Variants in HSD17B6 observed in about 807,000 individuals in gnomAD.
HSD17B6 encodes hydroxysteroid 17-beta dehydrogenase 6.
A neutral mutation model predicts 26.4 loss-of-function variants in HSD17B6; 16 were observed. The observed-to-expected ratio is 0.61, with a 90% CI of 0.41 to 0.92. The LOEUF (loss-of-function observed/expected upper bound fraction) is 0.92. Ranked by LOEUF, HSD17B6 falls within the 40% of genes least tolerant of loss-of-function variation. HSD17B6 has a pLI of 0.00. For missense variants in HSD17B6, 357 were observed against 386.1 expected, an observed-to-expected ratio of 0.92 and a Z score of 0.63; for synonymous variants, 139 against 153.0, an observed-to-expected ratio of 0.91 and a Z score of 0.68.
At chr12:56,771,916 C>G (rs1954481929) in intron 1 of HSD17B6, among the ~76,000 whole-genome samples, 1 of 152,090 alleles carries the variant, frequency 6.6e-6, no homozygotes, top group South Asian at 2.1e-4. Flanking sequence ...CTCATGAGAG[C>G]TGATGGTTTT....
chr12:56,779,927 T>A lies in HSD17B6; in HGVS notation c.314-2047T>A, dbSNP rs148847299. Among the ~76,000 whole-genome samples, 1,013 of 151,988 alleles carry A rather than the reference T, an allele frequency of 6.7e-3. 10 individuals carry two copies. The highest frequency in any genetic ancestry group is 0.023 in the African/African-American group (949 of 41,452). On this transcript the variant is annotated intron_variant, in intron 2 of 4. Coordinates refer to ENST00000322165, the MANE Select transcript of HSD17B6 (RefSeq NM_003725.4). ...GCAAAATCTTTTTTTTAAAAAAAAATTTATTAAAATGTCTAATTACCCTCA... is the reference window on the plus strand; with the variant it reads ...GCAAAATCTTTTTTTTAAAAAAAAAATTATTAAAATGTCTAATTACCCTCA...
At chr12:56,779,801 CTTTTTT>C (rs34050360) in intron 2 of HSD17B6, among the ~76,000 whole-genome samples, 1 of 134,292 alleles carries the variant, frequency 7.4e-6, no homozygotes, top group Non-Finnish European at 1.6e-5. Context: ...CTCTTTTTAC[CTTTTTT>C]TTTTTTTTTG....
intron 1 of HSD17B6, among the ~76,000 whole-genome samples, chr12:56,764,472 T>C (rs2137889515): frequency 6.6e-6 from 1 of 152,354 alleles, no homozygotes; most frequent in East Asian, 1.9e-4. Flanking sequence ...GAGTTATGCA[T>C]ACTGTAGAAA....
At chr12:56,783,340 A>G (rs1379589364) in intron 3 of HSD17B6, among the ~76,000 whole-genome samples, 1 of 118,672 alleles carries the variant, frequency 8.4e-6, no homozygotes, top group African/African-American at 3.3e-5. Flanking sequence ...TCCCTCCCGG[A>G]CGGGGCGGCT....
At position 56,780,882 on chromosome 12, in the gene HSD17B6, A is replaced by G. The variant is rs188206434; in HGVS notation, c.314-1092A>G. Reference sequence around the variant, plus strand: ...AAAAAAAATTCTAAGTTGCTAGCCAATCGAGACAAATATAAAATGTGAGGT... The same window carrying G: ...AAAAAAAATTCTAAGTTGCTAGCCAGTCGAGACAAATATAAAATGTGAGGT... On this transcript the variant is annotated intron_variant, in intron 2 of 4. Transcript: ENST00000322165. Among the ~76,000 whole-genome samples the G allele has an allele frequency of 4.4e-4, 67 of 152,006 alleles. 1 individual carries two copies. The highest frequency in any genetic ancestry group is 1.6e-3 in the African/African-American group (65 of 41,460).
At chr12:56,776,034 G>A (rs10459246) in intron 2 of HSD17B6, among the ~76,000 whole-genome samples, 4 of 151,846 alleles carry the variant, frequency 2.6e-5, no homozygotes, top group Non-Finnish European at 5.9e-5. Flanking sequence ...CAAGCGATTC[G>A]CCTTTCTCAG....
intron 1 of HSD17B6, among the ~76,000 whole-genome samples, chr12:56,771,620 G>T: frequency 6.6e-6 from 1 of 151,994 alleles, no homozygotes; most frequent in Non-Finnish European, 1.5e-5. Flanking sequence ...AATCATGCCT[G>T]GCTAATTTTT....
At chr12:56,782,658 T>G (rs1954749007) in intron 3 of HSD17B6, among the ~76,000 whole-genome samples, 1 of 141,296 alleles carries the variant, frequency 7.1e-6, no homozygotes, top group Non-Finnish European at 1.6e-5. Flanking sequence ...CATGCCCAGC[T>G]AATTTTTTTT....
At chr12:56,771,410 A>G (rs543540350) in intron 1 of HSD17B6, among the ~76,000 whole-genome samples, 1 of 151,818 alleles carries the variant, frequency 6.6e-6, no homozygotes, top group South Asian at 2.1e-4. Context: ...ATCTTAGAAC[A>G]GAGCCTGATA....
chr12:56,777,529 T>C (rs1300862407), intron 2 of HSD17B6, among the ~76,000 whole-genome samples: 1 of 152,066 alleles, frequency 6.6e-6, no homozygotes, highest in East Asian at 1.9e-4. Context: ...CATACCCTGC[T>C]AATTTTGTAT....
chr12:56,770,111 A>G (rs939544738), intron 1 of HSD17B6, among the ~76,000 whole-genome samples: 1 of 151,992 alleles, frequency 6.6e-6, no homozygotes, highest in African/African-American at 2.4e-5. Context: ...CTCAGATTGG[A>G]GAGAGGCAAA....
At chr12:56,776,408 G>A (rs1449555254) in intron 2 of HSD17B6, among the ~76,000 whole-genome samples, 2 of 149,300 alleles carry the variant, frequency 1.3e-5, no homozygotes, top group Non-Finnish European at 3.0e-5. Context: ...TGGTTCAAGC[G>A]ATCCTCCCAC....
rs146118766 is a variant in HSD17B6 at position 56,771,561 on chromosome 12, C to T, written c.-19-2273C>T. Among the ~76,000 whole-genome samples, 124 of 150,412 alleles carry T rather than the reference C, an allele frequency of 8.2e-4. No individual in the cohort carries two copies. The Middle Eastern group carries it at 0.017, about 21-fold the overall frequency. ...GCAACCTCCACCTCCCGGGTTCAAG[C>T]GATTCTCCTGCCTCAGCCTCCCAAG... On this transcript the variant is annotated intron_variant, in intron 1 of 4. Coordinates refer to ENST00000322165, the MANE Select transcript of HSD17B6 (RefSeq NM_003725.4).
intron 1 of HSD17B6, among the ~76,000 whole-genome samples, chr12:56,764,052 G>T (rs2137888400): frequency 1.9e-5 from 2 of 102,596 alleles, no homozygotes; most frequent in East Asian, 3.2e-4. Context: ...CTACATGACA[G>T]AGTGAGACCG....
intron 2 of HSD17B6, among the ~76,000 whole-genome samples, chr12:56,778,680 T>C (rs530368600): frequency 1.2e-4 from 18 of 148,938 alleles, no homozygotes; most frequent in Admixed American, 2.7e-4. Flanking sequence ...TTTTCTTTTT[T>C]TTTTTTTTTT....
intron 3 of HSD17B6, among the ~76,000 whole-genome samples, chr12:56,782,688 A>G (rs1954751238): frequency 7.5e-6 from 1 of 133,926 alleles, no homozygotes; most frequent in Non-Finnish European, 1.6e-5. Context: ...TTTATTGATC[A>G]TTCTTGGGTG....
rs781324553 is a variant in HSD17B6, at chr12:56,787,151, T to C, written c.763T>C (p.Leu255=). ...TTACAATATCATGAAGGAAGGGCTGTTGAATTGTAGCACAAACCTGAACCT... is the reference window on the plus strand; with the variant it reads ...TTACAATATCATGAAGGAAGGGCTGCTGAATTGTAGCACAAACCTGAACCT... ...ALYNIMKEGL[L]NCSTNLNLVT... is the part of the protein sequence containing the mutation. The change falls in exon 5 of 5, where the codon TTG becomes CTG. Residue 255 remains leucine, a synonymous_variant. Transcript: ENST00000322165. The C allele has an allele frequency of 6.2e-7, 1 of 1,614,084 alleles. No homozygotes were observed. The highest frequency in any genetic ancestry group is 1.7e-5 in the Admixed American group (1 of 60,032).
At position 56,787,323 on chromosome 12, in the gene HSD17B6, A is replaced by C; in HGVS notation, c.935A>C (p.Lys312Thr). Residue 312 changes from lysine (K) to threonine (T), a missense_variant, in exon 5 of 5, where the codon AAA (lysine) becomes ACA (threonine). By Grantham distance (78) the Lys-to-Thr change is moderately conservative. Transcript: ENST00000322165. Reference protein sequence around the residue: ...ADYILTRSWPKPAQAV With the variant: ...ADYILTRSWPTPAQAV The stretch of plus-strand genomic sequence containing the variant: ...TACATTTTGACTAGATCTTGGCCCA[A>C]ACCAGCCCAGGCAGTCTAAAGAAAA... 6.2e-7 allele frequency: 1 copy of C among 1,613,660 alleles called. No homozygotes were observed. Among genetic ancestry groups the C allele is most frequent in the South Asian group, 1.1e-5 (1 of 91,020 alleles).
intron 4 of HSD17B6, among the ~76,000 whole-genome samples, 187 bp downstream of exon 4, chr12:56,785,203 G>T (rs370530907): frequency 1.2e-4 from 19 of 152,158 alleles, no homozygotes; most frequent in African/African-American, 4.6e-4. Context: ...TTCACAGGAT[G>T]GCAGGAGAGG....
Sources: allele counts gnomAD v4.1 joint callset (sites outside exome capture counted in the v4.1 genomes callset), GRCh38; gene constraint gnomAD v4.1.1; transcripts MANE v1.5; gene names NCBI Gene and HGNC (gene_info 2026-07-23, HGNC 2026-07-21).